Variants in IRAG2 observed in about 807,000 individuals in gnomAD.
IRAG2 encodes lymphoid restricted membrane protein.
A neutral mutation model predicts 69.9 loss-of-function variants in IRAG2; 45 were observed. The observed-to-expected ratio is 0.64, with a 90% CI of 0.51 to 0.83. The LOEUF (loss-of-function observed/expected upper bound fraction) is 0.83, where lower values mean the gene tolerates loss of function less well. Among genes scored for constraint, IRAG2 ranks in the 40% least tolerant of loss-of-function variants. The probability of loss-of-function intolerance (pLI) is 0.00; values close to 1 mark genes in which losing one functional copy is unlikely to be tolerated. For synonymous variants in IRAG2, 193 were observed against 202.4 expected (o/e 0.95, Z 0.40); for missense variants, 520 against 587.0 (o/e 0.89, Z 1.18).
In IRAG2 at chr12:25,108,335, A is replaced by G. The variant is rs549448782; in HGVS notation, c.*275A>G. 3 of 545,940 alleles carry G rather than the reference A, an allele frequency of 5.5e-6. No individual in the cohort carries two copies. The highest frequency in any genetic ancestry group is 3.4e-5 in the South Asian group (1 of 29,604). 33.8% of individuals were successfully genotyped at this position (545,940 alleles called of 1,614,324 possible). ...GAAATAAAGAATCATTTAAATCTTC[A>G]TAGAGTGAAAGCTGAAATTCTTAAC... On this transcript the variant is annotated 3_prime_UTR_variant, in exon 22 of 22. Coordinates refer to ENST00000556887, the MANE Select transcript of IRAG2 (RefSeq NM_001366544.2).
At position 25,069,384 on chromosome 12, in the gene IRAG2, A is replaced by G. The variant is rs759130934; in HGVS notation, c.-24A>G. On this transcript the variant is annotated 5_prime_UTR_variant, in exon 6 of 22. Transcript: ENST00000556887. ...CCCCACAAGTGGCCCCAGCCCAGGA[A>G]CGAATCTCTCAGGCTGCATCAGGAT... 1.2e-5 allele frequency: 20 copies of G among 1,613,052 alleles called. No homozygotes were observed. In the East Asian group the frequency reaches 4.2e-4, roughly 34 times the overall value.
Position 25,096,928 on chromosome 12 carries a change from GAAGATGACAAC to G in IRAG2, c.626_636del (p.Glu209AlafsTer7). Reference sequence around the variant, plus strand: ...TATACAGTCTTTAACACCTCTGTGTGAAGATGACAACCAGGCACAGGAAATCATTAAGAAGC... The same window carrying G: ...TATACAGTCTTTAACACCTCTGTGTGCAGGCACAGGAAATCATTAAGAAGC... On this transcript the variant is annotated frameshift_variant, in exon 15 of 22. Coordinates refer to ENST00000556887, the MANE Select transcript of IRAG2 (RefSeq NM_001366544.2). LOFTEE classifies it high-confidence loss of function. The G allele has an allele frequency of 1.2e-6, 2 of 1,613,292 alleles. No individual in the cohort carries two copies. The highest frequency in any genetic ancestry group is 1.7e-6 in the Non-Finnish European group (2 of 1,179,642).
chr12:25,008,019 T>C (rs1258377965), intron 2 of IRAG2, among the ~76,000 whole-genome samples: 1 of 152,174 alleles, frequency 6.6e-6, no homozygotes, highest in Non-Finnish European at 1.5e-5. Context: ...TTTTTAACCA[T>C]TGAGAGTAAT....
upstream of IRAG2, among the ~76,000 whole-genome samples, chr12:25,050,768 A>G (rs10771162): frequency 0.81 from 123,181 of 152,086 alleles, 51,184 homozygotes; most frequent in South Asian, 0.91. Flanking sequence ...AATTTGGTAT[A>G]TAAATACAAG....
At chr12:25,012,686 G>C (rs911996583) in intron 3 of IRAG2, among the ~76,000 whole-genome samples, 6 of 152,144 alleles carry the variant, frequency 3.9e-5, no homozygotes, top group Non-Finnish European at 7.3e-5. Flanking sequence ...AAATTAGCTG[G>C]GCGTGGTGGT....
chr12:25,006,004 ACT>A (rs1232033783), intron 2 of IRAG2, among the ~76,000 whole-genome samples: 2 of 152,198 alleles, frequency 1.3e-5, no homozygotes, highest in African/African-American at 2.4e-5. Flanking sequence ...TAACATCCAG[ACT>A]CTGTAAGAAA....
intron 11 of IRAG2, chr12:25,032,297 G>A (rs1033305405): frequency 9.8e-5 from 39 of 398,886 alleles, no homozygotes; most frequent in Non-Finnish European, 1.6e-4. Context: ...TGTTGTGTGC[G>A]ATTCCAGAAT....
chr12:25,026,715 T>C lies in IRAG2; in HGVS notation c.1384-74T>C, dbSNP rs531898018. 52 of 690,374 alleles carry C rather than the reference T, an allele frequency of 7.5e-5. No individual in the cohort carries two copies. The African/African-American group carries it at 8.5e-4, about 11-fold the overall frequency. The allele number at this position is 690,374 out of a possible 1,614,324, so 42.8% of individuals were successfully genotyped here. ...CTGAGAGTGATGAAATACCACCTCC[T>C]AAAAGAGACTTTGTTTGTCCTCATC... On this transcript the variant is annotated intron_variant, in intron 8 of 38. Coordinates refer to the IRAG2 transcript ENST00000636465.
chr12:25,107,949 C>G lies in IRAG2; in HGVS notation c.1389C>G (p.Phe463Leu). The G allele has an allele frequency of 3.1e-6, 5 of 1,614,160 alleles. No homozygotes were observed. Among genetic ancestry groups the G allele is most frequent in the Non-Finnish European group, 4.2e-6 (5 of 1,180,022 alleles). The change falls in exon 22 of 22, where the codon TTC becomes TTG. Residue 463 changes from phenylalanine (F) to leucine (L), a missense_variant. Transcript: ENST00000556887. The part of the protein sequence containing the change: ...ALMSFLTGQL[F>L]QKSVDAAPTQ... ...TGAGCTTCCTCACAGGCCAATTATT[C>G]CAGAAGTCTGTGGATGCCGCTCCCA...
intron 2 of IRAG2, among the ~76,000 whole-genome samples, chr12:25,009,606 G>T (rs962564338): frequency 5.3e-5 from 8 of 152,174 alleles, no homozygotes; most frequent in Admixed American, 2.0e-4. Context: ...AAGGAATTGG[G>T]TCATGCGATC....
intron 16 of IRAG2, among the ~76,000 whole-genome samples, chr12:25,043,616 G>C (rs1305606495): frequency 1.3e-5 from 2 of 151,832 alleles, no homozygotes; most frequent in African/African-American, 4.8e-5. Context: ...CTGTCTCGGA[G>C]TACTATGAGA....
At chr12:25,020,357 G>A (rs1244577346) in intron 6 of IRAG2, among the ~76,000 whole-genome samples, 2 of 152,164 alleles carry the variant, frequency 1.3e-5, no homozygotes, top group East Asian at 1.9e-4. Flanking sequence ...TCCATAGTAT[G>A]TAAGCTCTAT....
chr12:25,002,847 G>A (rs973581597), upstream of IRAG2, among the ~76,000 whole-genome samples: 1 of 151,996 alleles, frequency 6.6e-6, no homozygotes, highest in African/African-American at 2.4e-5. Flanking sequence ...TCACCATGTT[G>A]GCCAAGCTGG....
intron 1 of IRAG2, among the ~76,000 whole-genome samples, chr12:25,060,555 GTAGGA>G (rs1945553474): frequency 6.6e-6 from 1 of 151,634 alleles, no homozygotes; most frequent in South Asian, 2.1e-4. Context: ...AGATCTACTT[GTAGGA>G]TTCTGGGATC....
chr12:25,082,623 CAAACA>C (rs10674267), intron 9 of IRAG2, among the ~76,000 whole-genome samples: 43 of 150,758 alleles, frequency 2.9e-4, no homozygotes, highest in South Asian at 1.0e-3. Flanking sequence ...AAAACAAAAA[CAAACA>C]AAACAAAACA....
chr12:25,027,493 C>G (rs1041099257), intron 9 of IRAG2, among the ~76,000 whole-genome samples: 35 of 149,490 alleles, frequency 2.3e-4, no homozygotes, highest in Admixed American at 2.0e-4. Context: ...CTTCCGTGTT[C>G]ACGCCATTCT....
intron 16 of IRAG2, among the ~76,000 whole-genome samples, chr12:25,041,985 GTGTGTGTA>G (rs1229587898): frequency 3.0e-5 from 4 of 131,674 alleles, no homozygotes; most frequent in Admixed American, 8.0e-5. Flanking sequence ...GTGTGTGTGT[GTGTGTGTA>G]TGTGTATGTG....
At chr12:25,022,713 G>A (rs1192514550) in intron 7 of IRAG2, among the ~76,000 whole-genome samples, 1 of 152,180 alleles carries the variant, frequency 6.6e-6, no homozygotes. Flanking sequence ...ATTGTTCAAA[G>A]TCAATTGTCT....
upstream of IRAG2, among the ~76,000 whole-genome samples, chr12:25,003,761 G>C (rs1723554318): frequency 6.6e-6 from 1 of 152,064 alleles, no homozygotes; most frequent in Non-Finnish European, 1.5e-5. Flanking sequence ...AGCTGATAGG[G>C]TTTATGTGAA....
Sources: gnomAD v4.1 joint callset for allele counts (sites outside exome capture counted in the v4.1 genomes callset) on GRCh38, gnomAD v4.1.1 for gene constraint, MANE v1.5 for transcripts, NCBI Gene and HGNC (gene_info 2026-07-23, HGNC 2026-07-21) for gene names.